Variants in PRDM6 observed in about 807,000 individuals in gnomAD.
PRDM6 encodes PR/SET domain 6, also known as putative histone-lysine N-methyltransferase PRDM6.
In PRDM6, 25 loss-of-function variants were observed where a neutral mutation model predicts 60.8. The observed-to-expected ratio is 0.41, with a 90% CI of 0.30 to 0.57. The LOEUF (loss-of-function observed/expected upper bound fraction) is 0.57. PRDM6 is among the 20% of genes least tolerant of loss of function. The pLI is 0.27. For synonymous variants in PRDM6, 407 were observed against 357.4 expected (o/e 1.14, Z -1.57); for missense variants, 839 against 821.3 (o/e 1.02, Z -0.26).
rs192068675 is a variant in PRDM6 at position 123,127,972 on chromosome 5, A to G, written c.901-27912A>G. On this transcript the variant is annotated intron_variant, in intron 3 of 7. Transcript: ENST00000407847. The stretch of plus-strand genomic sequence containing the variant: ...TGTGATGTTCCCCACCCCGTGTTCA[A>G]GTGTTCTCATTGTTCAATTCCCACC... 1.4e-3 allele frequency among the ~76,000 whole-genome samples: 211 copies of G among 151,844 alleles called. 2 individuals carry two copies. The highest frequency in any genetic ancestry group is 5.0e-3 in the African/African-American group (208 of 41,382).
At chr5:123,150,310 T>C (rs2126868484) in intron 3 of PRDM6, among the ~76,000 whole-genome samples, 1 of 152,306 alleles carries the variant, frequency 6.6e-6, no homozygotes, top group South Asian at 2.1e-4. Context: ...ATGCAAGCTC[T>C]TAACCTCTGT....
chr5:123,102,879 T>C (rs565021567), intron 3 of PRDM6, among the ~76,000 whole-genome samples: 3 of 152,212 alleles, frequency 2.0e-5, no homozygotes, highest in African/African-American at 7.2e-5. Context: ...CACTTCATTG[T>C]TTTTAGTATG....
At chr5:123,165,725 C>T (rs72787559) in intron 5 of PRDM6, among the ~76,000 whole-genome samples, 13,519 of 152,248 alleles carry the variant, frequency 0.089, 744 homozygotes, top group Non-Finnish European at 0.13. Flanking sequence ...AGCATCTAAT[C>T]GTATTCCCCC....
chr5:123,158,574 T>C (rs1561863870), intron 4 of PRDM6, among the ~76,000 whole-genome samples: 1 of 152,214 alleles, frequency 6.6e-6, no homozygotes, highest in Non-Finnish European at 1.5e-5. Flanking sequence ...ATGATCCTAT[T>C]GCCAAGAGCC....
Position 123,130,136 on chromosome 5 carries a change from C to T in PRDM6, c.901-25748C>T, listed in dbSNP as rs1244623750. Among the ~76,000 whole-genome samples, 3 of 57,656 alleles carry T rather than the reference C, an allele frequency of 5.2e-5. 1 individual carries two copies. The highest frequency in any genetic ancestry group is 4.3e-4 in the Admixed American group (3 of 7,048). 37.8% of individuals were successfully genotyped at this position (57,656 alleles called of 152,430 possible). On this transcript the variant is annotated intron_variant, in intron 3 of 7. Coordinates refer to ENST00000407847, the MANE Select transcript of PRDM6 (RefSeq NM_001136239.4). The stretch of plus-strand genomic sequence containing the variant: ...CTCCTCTCCCCTTCCCTCCCCTCTC[C>T]TTCCTCTCCCCTTCCCTCCCCTCCC...
intron 3 of PRDM6, 102 bp downstream of exon 3, chr5:123,100,063 A>T: frequency 8.1e-7 from 1 of 1,233,070 alleles, no homozygotes. Context: ...GGCAACTGCG[A>T]AGAGAGCCTC....
chr5:123,093,215 T>G (rs1763881258), intron 2 of PRDM6, among the ~76,000 whole-genome samples: 1 of 152,146 alleles, frequency 6.6e-6, no homozygotes, highest in Non-Finnish European at 1.5e-5. Flanking sequence ...CTTAAAAGGA[T>G]AGGTATTGAG....
rs1766341553 is a variant in PRDM6, at chr5:123,188,714, T to C, written c.*1513T>C. On this transcript the variant is annotated 3_prime_UTR_variant, in exon 8 of 8. Transcript: ENST00000407847. ...TCCCATTGTCTTCCCTCAATAAAAA[T>C]GAGACACATAACTGAACTCACTACT... 1 of 152,196 alleles carries C rather than the reference T, an allele frequency of 6.6e-6. No homozygotes were observed. Among genetic ancestry groups the C allele is most frequent in the Non-Finnish European group, 1.5e-5 (1 of 68,022 alleles). The allele number at this position is 152,196 out of a possible 1,614,324, so 9.4% of individuals were successfully genotyped here.
At chr5:123,159,924 C>T (rs1331813684) in intron 5 of PRDM6, among the ~76,000 whole-genome samples, 2 of 152,164 alleles carry the variant, frequency 1.3e-5, no homozygotes, top group African/African-American at 2.4e-5. Flanking sequence ...CACTGAGTAC[C>T]TACTATGTGT....
chr5:123,113,804 T>C (rs773369708), intron 3 of PRDM6, among the ~76,000 whole-genome samples: 3 of 152,232 alleles, frequency 2.0e-5, no homozygotes, highest in African/African-American at 7.2e-5. Context: ...AGAGCAGTTA[T>C]AGCTTCACAG....
chr5:123,155,823 G>A, intron 3 of PRDM6, 61 bp from the exon 4 acceptor site: 1 of 1,525,002 alleles, frequency 6.6e-7, no homozygotes. Context: ...ACCAAGGGAA[G>A]TAGGGAAAAT....
rs1766367611 is a variant in PRDM6, at chr5:123,189,678, A to G, written c.*2477A>G. The G allele has an allele frequency of 6.6e-6, 1 of 152,182 alleles. No individual in the cohort carries two copies. The highest frequency in any genetic ancestry group is 1.5e-5 in the Non-Finnish European group (1 of 68,030). 9.4% of individuals were successfully genotyped at this position (152,182 alleles called of 1,614,324 possible). A position where few individuals can be genotyped will look rare whatever the true frequency, so the allele number is the denominator to read the frequency against. ...ATATTCCACCAAATTTGGTCAGAAA[A>G]TATTTTCTGCCTAACAAATAGAAAA... On this transcript the variant is annotated 3_prime_UTR_variant, in exon 8 of 8. Transcript: ENST00000407847.
chr5:123,172,574 T>C (rs1441842587), intron 6 of PRDM6, among the ~76,000 whole-genome samples: 2 of 152,226 alleles, frequency 1.3e-5, no homozygotes, highest in Non-Finnish European at 2.9e-5. Flanking sequence ...TCAAGATATG[T>C]CTCTTTTAAG....
chr5:123,090,408 C>G lies in PRDM6; in HGVS notation c.394C>G (p.Leu132Val). ...CGCCGCTGCCGTCGCCGCCGAGCCG[C>G]TGCCCCCCAAGGAACTGTGCCTCGG... ...LAAAAVAAEP[L>V]PPKELCLGAT... Residue 132 changes from leucine to valine, a missense_variant, in exon 2 of 8, where the codon CTG becomes GTG. Coordinates refer to ENST00000407847, the MANE Select transcript of PRDM6 (RefSeq NM_001136239.4). 1 of 1,458,976 alleles carries G rather than the reference C, an allele frequency of 6.9e-7. No homozygotes were observed. Among genetic ancestry groups the G allele is most frequent in the Non-Finnish European group, 9.0e-7 (1 of 1,112,366 alleles). The allele number at this position is 1,458,976 out of a possible 1,614,324, so 90.4% of individuals were successfully genotyped here. A position where few individuals can be genotyped will look rare whatever the true frequency, so the allele number is the denominator to read the frequency against.
intron 6 of PRDM6, among the ~76,000 whole-genome samples, chr5:123,172,145 G>C (rs544625057): frequency 3.3e-5 from 5 of 152,202 alleles, no homozygotes; most frequent in African/African-American, 1.2e-4. Context: ...TGTACACCCA[G>C]CTCTTCCCTC....
chr5:123,164,181 A>G (rs916539953), intron 5 of PRDM6, among the ~76,000 whole-genome samples: 29 of 152,266 alleles, frequency 1.9e-4, no homozygotes, highest in Admixed American at 1.8e-3. Flanking sequence ...CATAACCACA[A>G]TATCAAACAC....
At position 123,155,940 on chromosome 5, in the gene PRDM6, G is replaced by A. The variant is rs1343919546; in HGVS notation, c.957G>A (p.Lys319=). The change falls in exon 4 of 8, where the codon AAG becomes AAA. Residue 319 remains lysine (K), a synonymous_variant. Coordinates refer to ENST00000407847, the MANE Select transcript of PRDM6 (RefSeq NM_001136239.4). ...TTATTGATGGTGGGGAACCTAGTAAGTCGAGCTGGATGAGGTATATCCGAT... is the reference window on the plus strand; with the variant it reads ...TTATTGATGGTGGGGAACCTAGTAAATCGAGCTGGATGAGGTATATCCGAT... ...QHFIDGGEPS[K]SSWMRYIRCA... The A allele has an allele frequency of 2.6e-6, 4 of 1,551,702 alleles. No individual in the cohort carries two copies. Among genetic ancestry groups the A allele is most frequent in the Admixed American group, 3.9e-5 (2 of 51,008 alleles).
At chr5:123,131,481 TAAAG>T (rs1201331361) in intron 3 of PRDM6, among the ~76,000 whole-genome samples, 1 of 152,202 alleles carries the variant, frequency 6.6e-6, no homozygotes, top group East Asian at 1.9e-4. Flanking sequence ...AAAGAAAAGT[TAAAG>T]AAATTATTAT....
intron 5 of PRDM6, among the ~76,000 whole-genome samples, chr5:123,167,579 G>A (rs1056888400): frequency 6.6e-6 from 1 of 151,998 alleles, no homozygotes; most frequent in Admixed American, 6.6e-5. Context: ...AGTAGAGACA[G>A]GGTTTCTCCA....
Sources: allele counts gnomAD v4.1 joint callset (sites outside exome capture counted in the v4.1 genomes callset), GRCh38; gene constraint gnomAD v4.1.1; transcripts MANE v1.5; gene names NCBI Gene and HGNC (gene_info 2026-07-23, HGNC 2026-07-21).